The following ABR variants were observed in gnomAD, a reference collection of about 807,000 sequenced individuals.
ABR encodes ABR activator of RhoGEF and GTPase.
A neutral mutation model predicts 107.2 loss-of-function variants in ABR; 35 were observed. The observed-to-expected ratio is 0.33, with a 90% CI of 0.25 to 0.43. The LOEUF is 0.43. Among genes scored for constraint, ABR ranks in the 20% least tolerant of loss-of-function variants. ABR has a pLI of 1.00. For synonymous variants in ABR, 498 were observed against 462.0 expected (o/e 1.08, Z -1.00); for missense variants, 815 against 1,115.2 (o/e 0.73, Z 3.83).
chr17:1,056,304 G>A (rs1438971484), intron 13 of ABR, among the ~76,000 whole-genome samples, 195 bp from the exon 14 acceptor site: 1 of 152,074 alleles, frequency 6.6e-6, no homozygotes, highest in Non-Finnish European at 1.5e-5. Context: ...TAGGGCTAGG[G>A]GGTCCTTCTC....
intron 16 of ABR, among the ~76,000 whole-genome samples, chr17:1,023,122 G>A (rs1348699316): frequency 1.3e-5 from 2 of 150,838 alleles, no homozygotes; most frequent in Non-Finnish European, 2.9e-5. Flanking sequence ...GTCCACTACA[G>A]CGCCTCTGCC....
Position 1,134,771 on chromosome 17 carries a change from G to C in ABR, c.62-9404C>G, listed in dbSNP as rs554631040. ...GAAGACAGTTCATCGCTGTGGCTGA[G>C]AGCAGGGACCCTGCGGTCCGGCAGC... On this transcript the variant is annotated intron_variant, in intron 1 of 22. Coordinates refer to ENST00000302538, the MANE Select transcript of ABR (RefSeq NM_021962.5). 2.6e-5 allele frequency among the ~76,000 whole-genome samples: 4 copies of C among 152,358 alleles called. No individual in the cohort carries two copies. In the South Asian group the frequency reaches 8.3e-4, roughly 32 times the overall value.
rs2041545291 is a variant in ABR, at chr17:1,167,168, AGAG to A, written c.61+12496_61+12498del. On this transcript the variant is annotated intron_variant, in intron 1 of 22. Transcript: ENST00000302538. ...AGCCTTGAGCTCTGGCTGGGCGGAG[AGAG>A]AGGCCACCAGTTGGATGTCTCCAGT... is the stretch of plus-strand genomic sequence containing the variant. Among the ~76,000 whole-genome samples the A allele has an allele frequency of 2.2e-4, 17 of 77,902 alleles. 1 individual carries two copies. The South Asian group carries it at 5.3e-3, about 24-fold the overall frequency. The allele number at this position is 77,902 out of a possible 152,430, so 51.1% of individuals were successfully genotyped here.
In ABR at chr17:1,060,687, A is replaced by T. The variant is rs796520844; in HGVS notation, c.1183-1820T>A. Among the ~76,000 whole-genome samples, 43 of 152,132 alleles carry T rather than the reference A, an allele frequency of 2.8e-4. 1 individual carries two copies. The highest frequency in any genetic ancestry group is 8.7e-4 in the African/African-American group (36 of 41,504). ...GGGATTAGAAAAAACATGAAAATTT[A>T]AAAAATTATTATCAAGAGAACAAGG... On this transcript the variant is annotated intron_variant, in intron 10 of 22. Transcript: ENST00000302538.
chr17:1,098,149 T>C (rs551280522), intron 3 of ABR, among the ~76,000 whole-genome samples: 19 of 151,548 alleles, frequency 1.3e-4, no homozygotes, highest in East Asian at 7.8e-4. Context: ...CTCTGCTCAC[T>C]GCAAGCTCCG....
At chr17:1,199,187 T>C (rs997877630) in intron 1 of ABR, among the ~76,000 whole-genome samples, 2 of 150,838 alleles carry the variant, frequency 1.3e-5, no homozygotes, top group African/African-American at 4.9e-5. Flanking sequence ...TGCCTGGTTC[T>C]GGAAAACAAA....
chr17:1,108,936 T>G (rs762282811), intron 2 of ABR: 1 of 1,592,088 alleles, frequency 6.3e-7, no homozygotes, highest in Admixed American at 1.7e-5. Flanking sequence ...GCTCCCACCT[T>G]CACAGCCACC....
chr17:1,006,382 G>A (rs907023441), intron 22 of ABR, among the ~76,000 whole-genome samples: 9 of 152,210 alleles, frequency 5.9e-5, no homozygotes, highest in African/African-American at 2.2e-4. Context: ...CTGGCCATAA[G>A]CTTCTGCTCT....
At chr17:1,018,667 C>A (rs932690698) in intron 16 of ABR, among the ~76,000 whole-genome samples, 1 of 152,162 alleles carries the variant, frequency 6.6e-6, no homozygotes, top group African/African-American at 2.4e-5. Context: ...ACCGTGCGCA[C>A]TCGGGCAAGG....
chr17:1,010,647 T>C lies in ABR; in HGVS notation c.2236+82A>G, dbSNP rs751777809. ...AGCCAGCAAAGGAAGCCACAGATATTTCTCCTGCTGGTTACTTCTCCGGGC... is the reference window on the plus strand; with the variant it reads ...AGCCAGCAAAGGAAGCCACAGATATCTCTCCTGCTGGTTACTTCTCCGGGC... On this transcript the variant is annotated intron_variant, in intron 20 of 22. Transcript: ENST00000302538. This position sits in a 1 kb window ranked among gnomAD's most constrained non-coding sequence, Gnocchi z 4.1. 2.6e-6 allele frequency: 4 copies of C among 1,555,784 alleles called. No homozygotes were observed. Among genetic ancestry groups the C allele is most frequent in the Non-Finnish European group, 2.6e-6 (3 of 1,148,572 alleles).
intron 2 of ABR, among the ~76,000 whole-genome samples, chr17:1,119,559 TTCC>T (rs2039249125): frequency 6.6e-6 from 1 of 152,072 alleles, no homozygotes; most frequent in African/African-American, 2.4e-5. Context: ...TGCTCCTCCC[TTCC>T]TCCTGACTGA....
intron 16 of ABR, among the ~76,000 whole-genome samples, chr17:1,038,514 C>A (rs2073370567): frequency 6.6e-6 from 1 of 152,210 alleles, no homozygotes; most frequent in Admixed American, 6.5e-5. Flanking sequence ...TCCAGCCGCG[C>A]TAGGGTCTTT....
chr17:1,182,088 G>A (rs557159094), upstream of ABR, among the ~76,000 whole-genome samples: 7 of 152,032 alleles, frequency 4.6e-5, no homozygotes, highest in East Asian at 7.7e-4. Flanking sequence ...TGGCACTCTC[G>A]GACCCTCCAC....
chr17:1,090,136 G>C (rs774897258), intron 4 of ABR, among the ~76,000 whole-genome samples: 2 of 152,176 alleles, frequency 1.3e-5, no homozygotes, highest in Non-Finnish European at 2.9e-5. Context: ...AGACGAGAGG[G>C]GGAAGGACGT....
At chr17:1,164,811 T>C (rs1176071834) in intron 1 of ABR, among the ~76,000 whole-genome samples, 3 of 151,996 alleles carry the variant, frequency 2.0e-5, no homozygotes, top group Admixed American at 6.6e-5. Flanking sequence ...GGACTACAGG[T>C]GTCTGCCACC....
chr17:1,095,471 C>T (rs1406639003), intron 3 of ABR, among the ~76,000 whole-genome samples: 3 of 152,166 alleles, frequency 2.0e-5, no homozygotes, highest in East Asian at 1.9e-4. Context: ...TGAAGTCCTG[C>T]GTATGGGCTC....
At chr17:1,143,434 T>C (rs1396773285) in intron 1 of ABR, among the ~76,000 whole-genome samples, 3 of 36,638 alleles carry the variant, frequency 8.2e-5, no homozygotes, top group East Asian at 9.7e-4. Flanking sequence ...GGACAGCTCA[T>C]TCCTGGGGGA....
chr17:1,044,201 G>T (rs1014903570), intron 16 of ABR, among the ~76,000 whole-genome samples: 1 of 151,986 alleles, frequency 6.6e-6, no homozygotes, highest in Admixed American at 6.6e-5. Context: ...GCCGGTGGAG[G>T]GGGGGCTCCC....
chr17:1,193,862 T>C (rs1029946594), intron 1 of ABR, among the ~76,000 whole-genome samples: 4 of 151,942 alleles, frequency 2.6e-5, no homozygotes, highest in African/African-American at 9.6e-5. Context: ...AGCTAATTTT[T>C]TTTTTGTATT....
Sources: gnomAD v4.1 joint callset for allele counts (sites outside exome capture counted in the v4.1 genomes callset) on GRCh38, gnomAD v4.1.1 for gene constraint, Gnocchi (gnomAD v3.1) non-coding constraint, MANE v1.5 for transcripts, NCBI Gene and HGNC (gene_info 2026-07-23, HGNC 2026-07-21) for gene names.